Variants in NR6A1 observed in about 807,000 individuals in gnomAD.
NR6A1 encodes retinoic acid receptor-related testis-associated receptor.
Under a neutral mutation model 59.1 loss-of-function variants are expected in NR6A1, and 7 were observed. That is an observed-to-expected ratio of 0.12 (90% confidence interval 0.07 to 0.22). The LOEUF is 0.22. Among genes scored for constraint, NR6A1 ranks in the 10% least tolerant of loss-of-function variants. The pLI, the probability that NR6A1 is intolerant of heterozygous loss-of-function variation, is 1.00. For synonymous variants in NR6A1, 243 were observed against 236.1 expected, an observed-to-expected ratio of 1.03 and a Z score of -0.27; for missense variants, 468 against 611.6, an observed-to-expected ratio of 0.77 and a Z score of 2.48.
In NR6A1 at chr9:124,673,771, C is replaced by T. The variant is rs150293945; in HGVS notation, c.142+59537G>A. ...TATTTTCAGACAAGAAGGTCATCTC[C>T]GACACCTATCAAATTTCTCTATTGT... On this transcript the variant is annotated intron_variant, in intron 2 of 9. Coordinates refer to ENST00000487099, the MANE Select transcript of NR6A1 (RefSeq NM_033334.4). Among the ~76,000 whole-genome samples the T allele has an allele frequency of 2.1e-3, 317 of 152,162 alleles. 5 individuals are homozygous for T. In the East Asian group the frequency reaches 0.038, roughly 18 times the overall value.
chr9:124,599,699 G>T, intron 2 of NR6A1: 1 of 637,740 alleles, frequency 1.6e-6, no homozygotes, highest in Non-Finnish European at 2.2e-6. Context: ...ATTATGAATG[G>T]CAGAACCTTA....
intron 2 of NR6A1, among the ~76,000 whole-genome samples, chr9:124,661,108 C>T (rs192914067): frequency 1.0e-3 from 154 of 152,146 alleles, no homozygotes; most frequent in Non-Finnish European, 1.9e-3. Flanking sequence ...CAGAAAACTT[C>T]CGAGTTCTGG....
chr9:124,609,082 G>A (rs985582470), intron 2 of NR6A1, among the ~76,000 whole-genome samples: 11 of 151,924 alleles, frequency 7.2e-5, no homozygotes, highest in Non-Finnish European at 1.6e-4. Context: ...CATTCTATAG[G>A]TTGTCTGTTC....
intron 2 of NR6A1, among the ~76,000 whole-genome samples, chr9:124,688,778 C>T (rs4838200): frequency 0.62 from 93,853 of 152,094 alleles, 30,510 homozygotes; most frequent in African/African-American, 0.83. Flanking sequence ...AAATGAGTTC[C>T]TGGATTCCAT....
rs1444333411 is a variant in NR6A1 at position 124,771,021 on chromosome 9, G to A, written c.99C>T (p.Asn33=). 9 of 1,229,074 alleles carry A rather than the reference G, an allele frequency of 7.3e-6. No individual in the cohort carries two copies. Among genetic ancestry groups the A allele is most frequent in the Non-Finnish European group, 9.1e-6 (9 of 985,884 alleles). 76.1% of individuals were successfully genotyped at this position (1,229,074 alleles called of 1,614,324 possible). ...GGGCGTCGCAGGCCCCTCACCCACCGTTGCGCGGCGGCGGAGGGAGCGCGG... is the reference window on the plus strand; with the variant it reads ...GGGCGTCGCAGGCCCCTCACCCACCATTGCGCGGCGGCGGAGGGAGCGCGG... ...PPAALPPPPR[N]GFCQDELAEL... Residue 33 remains asparagine, a splice_region_variant and synonymous_variant, in exon 1 of 10, where the codon AAC becomes AAT. Coordinates refer to ENST00000487099, the MANE Select transcript of NR6A1 (RefSeq NM_033334.4).
At chr9:124,560,842 G>A (rs1427752879) in intron 2 of NR6A1, among the ~76,000 whole-genome samples, 3 of 152,060 alleles carry the variant, frequency 2.0e-5, no homozygotes, top group Admixed American at 1.3e-4. Context: ...ATTACAGGCA[G>A]GAGTCACTGT....
intron 7 of NR6A1, among the ~76,000 whole-genome samples, chr9:124,531,949 C>T (rs1016902846): frequency 6.6e-5 from 10 of 152,206 alleles, no homozygotes; most frequent in Admixed American, 3.3e-4. Context: ...CACCATGCTC[C>T]GGTCTTGTCC....
intron 1 of NR6A1, 137 bp downstream of exon 1, chr9:124,770,883 G>A (rs1841131435): frequency 6.9e-6 from 3 of 435,476 alleles, no homozygotes; most frequent in Middle Eastern, 5.9e-4. Context: ...GGGGAACGGG[G>A]TGAAGGGCCA....
chr9:124,753,780 CAG>C (rs1417975423), intron 1 of NR6A1, among the ~76,000 whole-genome samples: 1 of 152,162 alleles, frequency 6.6e-6, no homozygotes, highest in East Asian at 1.9e-4. Context: ...TCCTGTATAT[CAG>C]AGACAGGAGC....
intron 2 of NR6A1, among the ~76,000 whole-genome samples, chr9:124,558,882 T>C (rs1005062943): frequency 1.8e-4 from 27 of 152,200 alleles, no homozygotes; most frequent in African/African-American, 6.3e-4. Context: ...CCTTTGTAAA[T>C]GAACAAACTG....
At chr9:124,539,322 C>T (rs1392781003) in intron 5 of NR6A1, among the ~76,000 whole-genome samples, 1 of 152,212 alleles carries the variant, frequency 6.6e-6, no homozygotes, top group Non-Finnish European at 1.5e-5. Context: ...GGAACACAGC[C>T]ATGCTCACTG....
chr9:124,715,698 C>T (rs1027933899), intron 2 of NR6A1, among the ~76,000 whole-genome samples: 7 of 151,400 alleles, frequency 4.6e-5, no homozygotes, highest in Admixed American at 1.3e-4. Context: ...GAAATTTATA[C>T]GGAAGTGGGG....
At chr9:124,561,668 T>TGG (rs1834087868) in intron 2 of NR6A1, among the ~76,000 whole-genome samples, 6 of 152,120 alleles carry the variant, frequency 3.9e-5, no homozygotes, top group Admixed American at 3.9e-4. Context: ...TCCCAACACT[T>TGG]TGGGAGGCCG....
chr9:124,588,919 C>CAA (rs57274135), intron 2 of NR6A1, among the ~76,000 whole-genome samples: 3 of 52,454 alleles, frequency 5.7e-5, no homozygotes, highest in African/African-American at 7.8e-5. Flanking sequence ...GACTCTGTCT[C>CAA]AAAAAAAAAA....
rs538401803 is a variant in NR6A1 at position 124,684,091 on chromosome 9, T to C, written c.142+49217A>G. 2.0e-5 allele frequency among the ~76,000 whole-genome samples: 3 copies of C among 152,116 alleles called. No individual in the cohort carries two copies. The South Asian group carries it at 6.3e-4, about 32-fold the overall frequency. On this transcript the variant is annotated intron_variant, in intron 2 of 9. Coordinates refer to ENST00000487099, the MANE Select transcript of NR6A1 (RefSeq NM_033334.4). Reference sequence around the variant, plus strand: ...AGCCTCGAGTATCGCCATACAAATTTAGTTCTACACAGACAACAGCAAGAA... The same window carrying C: ...AGCCTCGAGTATCGCCATACAAATTCAGTTCTACACAGACAACAGCAAGAA...
chr9:124,588,177 G>A (rs1834989938), intron 2 of NR6A1, among the ~76,000 whole-genome samples: 1 of 152,156 alleles, frequency 6.6e-6, no homozygotes, highest in African/African-American at 2.4e-5. Flanking sequence ...ACTATTCTAT[G>A]ATAGATGGTT....
In NR6A1 at chr9:124,519,256, A is replaced by T. The variant is rs1490716150; in HGVS notation, c.*3449T>A. ...ATTCCTTGCTCTGGTTCTGGGAAACAGGACAGGGAGGATCCTGCTTACTTC... is the reference window on the plus strand; with the variant it reads ...ATTCCTTGCTCTGGTTCTGGGAAACTGGACAGGGAGGATCCTGCTTACTTC... On this transcript the variant is annotated 3_prime_UTR_variant, in exon 10 of 10. Transcript: ENST00000487099. The T allele has an allele frequency of 1.3e-5, 2 of 152,224 alleles. No homozygotes were observed. Among genetic ancestry groups the T allele is most frequent in the Non-Finnish European group, 2.9e-5 (2 of 68,038 alleles). The allele number at this position is 152,224 out of a possible 1,614,324, so 9.4% of individuals were successfully genotyped here. A position where few individuals can be genotyped will look rare whatever the true frequency, so the allele number is the denominator to read the frequency against.
intron 2 of NR6A1, among the ~76,000 whole-genome samples, chr9:124,635,257 T>C (rs1183901762): frequency 2.0e-5 from 3 of 152,186 alleles, no homozygotes; most frequent in Non-Finnish European, 4.4e-5. Context: ...GTTGGACTCA[T>C]ACAGTGATAT....
intron 2 of NR6A1, among the ~76,000 whole-genome samples, chr9:124,636,328 G>GC (rs1426835932): frequency 6.6e-6 from 1 of 151,602 alleles, no homozygotes; most frequent in East Asian, 1.9e-4. Flanking sequence ...CATCAGGTAT[G>GC]TTTTTTTTCA....
Sources: gnomAD v4.1 joint callset for allele counts (sites outside exome capture counted in the v4.1 genomes callset) on GRCh38, gnomAD v4.1.1 for gene constraint, MANE v1.5 for transcripts, NCBI Gene and HGNC (gene_info 2026-07-23, HGNC 2026-07-21) for gene names.